The following VAV2 variants were observed in gnomAD, a reference collection of about 807,000 sequenced individuals.
VAV2 encodes the protein guanine nucleotide exchange factor VAV2.
In VAV2, 67 loss-of-function variants were observed where a neutral mutation model predicts 132.5. The observed-to-expected ratio is 0.51, with a 90% CI of 0.42 to 0.62. VAV2 has a LOEUF of 0.62. Among genes scored for constraint, VAV2 ranks in the 20% least tolerant of loss-of-function variants. The pLI, the probability that VAV2 is intolerant of heterozygous loss-of-function variation, is 0.00. For synonymous variants in VAV2, 492 were observed against 443.5 expected (o/e 1.11, Z -1.37); for missense variants, 938 against 1,153.6 (o/e 0.81, Z 2.71).
At chr9:133,974,070 G>C (rs530353688) in intron 1 of VAV2, among the ~76,000 whole-genome samples, 8 of 152,240 alleles carry the variant, frequency 5.3e-5, no homozygotes, top group African/African-American at 1.9e-4. Flanking sequence ...GCAGGGCTCA[G>C]CTAAAAGGTC....
intron 2 of VAV2, among the ~76,000 whole-genome samples, chr9:133,908,080 C>T (rs1260931305): frequency 7.3e-6 from 1 of 137,328 alleles, no homozygotes; most frequent in African/African-American, 2.7e-5. Context: ...CTGCCTTCCC[C>T]CAGAGAGTGG....
intron 23 of VAV2, among the ~76,000 whole-genome samples, chr9:133,777,176 C>T (rs544980243): frequency 6.6e-6 from 1 of 152,122 alleles, no homozygotes; most frequent in African/African-American, 2.4e-5. Flanking sequence ...GACACCCGAT[C>T]GGCTGAGCCC....
chr9:133,857,112 G>T lies in VAV2; in HGVS notation c.380+4262C>A, dbSNP rs1837414492. Among the ~76,000 whole-genome samples, 1 of 152,122 alleles carries T rather than the reference G, an allele frequency of 6.6e-6. No homozygotes were observed. Among genetic ancestry groups the T allele is most frequent in the Non-Finnish European group, 1.5e-5 (1 of 68,022 alleles). On this transcript the variant is annotated intron_variant, in intron 3 of 29. Transcript: ENST00000371850. This position sits in a 1 kb window ranked among gnomAD's most constrained non-coding sequence, Gnocchi z 4.0. ...ATGGGACCTGACCTCCCAGCCTGAGGACACCTTTCGGTTTCCTTCTCAGGA... is the reference window on the plus strand; with the variant it reads ...ATGGGACCTGACCTCCCAGCCTGAGTACACCTTTCGGTTTCCTTCTCAGGA...
intron 1 of VAV2, among the ~76,000 whole-genome samples, chr9:133,975,514 G>A (rs546443713): frequency 2.6e-4 from 40 of 152,308 alleles, no homozygotes; most frequent in African/African-American, 7.7e-4. Context: ...CATGTATTGC[G>A]GAAAGTATTA....
Position 133,961,087 on chromosome 9 carries a change from C to T in VAV2, c.205-21868G>A, listed in dbSNP as rs1044471558. 2.0e-5 allele frequency among the ~76,000 whole-genome samples: 3 copies of T among 152,252 alleles called. No homozygotes were observed. The highest frequency in any genetic ancestry group is 2.9e-5 in the Non-Finnish European group (2 of 68,044). ...GCCCACACCCGGCACACATCACGGG[C>T]GGCCCCAAGCTCTCCAGGTGGGAGC... On this transcript the variant is annotated intron_variant, in intron 1 of 29. Transcript: ENST00000371850. The surrounding 1 kb of genome is among the most constrained non-coding windows in gnomAD (Gnocchi z 4.1).
At position 133,971,154 on chromosome 9, in the gene VAV2, G is replaced by A. The variant is rs921674724; in HGVS notation, c.204+20921C>T. ...TCGCTTCCCCCAACGAAGTCAGGCAGAGTCCGTGTGCCCTCTGACCCTCAG... is the reference window on the plus strand; with the variant it reads ...TCGCTTCCCCCAACGAAGTCAGGCAAAGTCCGTGTGCCCTCTGACCCTCAG... On this transcript the variant is annotated intron_variant, in intron 1 of 29. Transcript: ENST00000371850. Among the ~76,000 whole-genome samples, 38 of 152,206 alleles carry A rather than the reference G, an allele frequency of 2.5e-4. 1 individual carries two copies. Among genetic ancestry groups the A allele is most frequent in the African/African-American group, 8.4e-4 (35 of 41,454 alleles).
At chr9:133,780,531 C>T (rs1427990914) in intron 20 of VAV2, among the ~76,000 whole-genome samples, 163 bp downstream of exon 20, 1 of 152,148 alleles carries the variant, frequency 6.6e-6, no homozygotes, top group African/African-American at 2.4e-5. Flanking sequence ...TCTAATGACA[C>T]CCACCAAGGA....
intron 2 of VAV2, among the ~76,000 whole-genome samples, chr9:133,906,100 G>C (rs773688987): frequency 1.1e-4 from 16 of 152,190 alleles, no homozygotes; most frequent in Admixed American, 2.0e-4. Context: ...AGACCTTCCA[G>C]ACGGTAAGTC....
chr9:133,970,009 C>CA (rs1842275947), intron 1 of VAV2, among the ~76,000 whole-genome samples: 2 of 152,152 alleles, frequency 1.3e-5, no homozygotes, highest in Admixed American at 6.5e-5. Flanking sequence ...TGCCACCCCC[C>CA]AGACGTGCAG....
rs571534595 is a variant in VAV2, at chr9:133,935,818, C to T, written c.321+3285G>A. ...GCTGGCGGGGCCGAGGCCAGGCCCACGCTGAAGGGCAAGTGCGGGTTCCGG... is the reference window on the plus strand; with the variant it reads ...GCTGGCGGGGCCGAGGCCAGGCCCATGCTGAAGGGCAAGTGCGGGTTCCGG... On this transcript the variant is annotated intron_variant, in intron 2 of 29. Transcript: ENST00000371850. This position sits in a 1 kb window ranked among gnomAD's most constrained non-coding sequence, Gnocchi z 5.2. Among the ~76,000 whole-genome samples the T allele has an allele frequency of 3.3e-5, 5 of 152,296 alleles. No individual in the cohort carries two copies. Among genetic ancestry groups the T allele is most frequent in the Non-Finnish European group, 7.4e-5 (5 of 68,018 alleles).
At chr9:133,900,266 G>GA (rs1166489063) in intron 2 of VAV2, among the ~76,000 whole-genome samples, 1 of 152,052 alleles carries the variant, frequency 6.6e-6, no homozygotes, top group Non-Finnish European at 1.5e-5. Context: ...AACATTTCAT[G>GA]AAAAAAGCCA....
intron 13 of VAV2, 93 bp downstream of exon 13, chr9:133,791,690 C>G: frequency 8.9e-7 from 1 of 1,124,996 alleles, no homozygotes; most frequent in Non-Finnish European, 1.3e-6. Context: ...GTGTGGCTGC[C>G]CATGGAGCTC....
intron 5 of VAV2, 51 bp from the exon 6 acceptor site, chr9:133,810,256 A>G: frequency 2.5e-6 from 4 of 1,611,514 alleles, no homozygotes; most frequent in Non-Finnish European, 3.4e-6. Context: ...CAGGGCCCAC[A>G]CTGTCCTGGC....
chr9:133,973,673 AGGTGAGGAACCCTAGATACCCCGCACAAG>A (rs1842414799), intron 1 of VAV2, among the ~76,000 whole-genome samples: 1 of 152,218 alleles, frequency 6.6e-6, no homozygotes, highest in South Asian at 2.1e-4. Context: ...TCAAGGTGGC[AGGTGAGGAACCCTAGATACCCCGCACAAG>A]GGTGACGCCC....
At chr9:133,796,633 C>G in intron 10 of VAV2, 109 bp from the exon 11 acceptor site, 1 of 997,568 alleles carries the variant, frequency 1.0e-6, no homozygotes, top group Admixed American at 2.6e-5. Flanking sequence ...AACTCAGGCC[C>G]AGACGTTTGG....
At chr9:133,920,749 C>G (rs759471896) in intron 2 of VAV2, among the ~76,000 whole-genome samples, 2 of 152,090 alleles carry the variant, frequency 1.3e-5, no homozygotes, top group Non-Finnish European at 2.9e-5. Flanking sequence ...CAGGCCAGTG[C>G]TGGGCAACAT....
chr9:133,984,646 C>G (rs780386215), intron 1 of VAV2, among the ~76,000 whole-genome samples: 1 of 146,004 alleles, frequency 6.8e-6, no homozygotes. Context: ...ATTTCTTCAT[C>G]CCCAAAGATT....
intron 4 of VAV2, among the ~76,000 whole-genome samples, chr9:133,818,478 A>G (rs1388173425): frequency 6.6e-6 from 1 of 151,958 alleles, no homozygotes; most frequent in African/African-American, 2.4e-5. Context: ...TTCAGACTCC[A>G]GAACACACAC....
rs201763797 is a variant in VAV2 at position 133,770,522 on chromosome 9, C to A, written c.2224-21G>T. ...AACTCCTGCAGGGCGTACACACTCA[C>A]TGACAGCTGCTGCCACCTCCAGGAA... On this transcript the variant is annotated intron_variant, in intron 26 of 29. Transcript: ENST00000371850. 84 of 1,610,598 alleles carry A rather than the reference C, an allele frequency of 5.2e-5. No individual in the cohort carries two copies. In the Admixed American group the frequency reaches 5.5e-4, roughly 11 times the overall value.
Sources: gnomAD v4.1 joint callset for allele counts (sites outside exome capture counted in the v4.1 genomes callset) on GRCh38, gnomAD v4.1.1 for gene constraint, Gnocchi (gnomAD v3.1) non-coding constraint, MANE v1.5 for transcripts, NCBI Gene and HGNC (gene_info 2026-07-23, HGNC 2026-07-21) for gene names.